Variants in GOLGA5 observed in about 807,000 individuals in gnomAD.
The protein encoded by GOLGA5 is golgin subfamily A member 5.
In GOLGA5, 50 loss-of-function variants were observed where a neutral mutation model predicts 93.5. The observed-to-expected ratio is 0.53, with a 90% CI of 0.43 to 0.68. GOLGA5 has a LOEUF of 0.68. Among genes scored for constraint, GOLGA5 ranks in the 30% least tolerant of loss-of-function variants. The probability of loss-of-function intolerance (pLI) is 0.00; values close to 1 mark genes in which losing one functional copy is unlikely to be tolerated. For synonymous variants in GOLGA5, 312 were observed against 304.5 expected (o/e 1.02, Z -0.26); for missense variants, 760 against 856.4 (o/e 0.89, Z 1.40).
intron 1 of GOLGA5, among the ~76,000 whole-genome samples, chr14:92,796,758 C>CGG (rs1884737878): frequency 7.4e-6 from 1 of 134,974 alleles, no homozygotes; most frequent in African/African-American, 2.9e-5. Flanking sequence ...ATCATGAGGT[C>CGG]AGGAGATCGA....
chr14:92,828,894 C>T (rs887346901), intron 9 of GOLGA5, among the ~76,000 whole-genome samples: 1 of 152,174 alleles, frequency 6.6e-6, no homozygotes, highest in African/African-American at 2.4e-5. Flanking sequence ...GTCTCTAACT[C>T]CTGGCCTCAA....
chr14:92,795,100 G>A (rs1483186928), intron 1 of GOLGA5, among the ~76,000 whole-genome samples: 1 of 150,870 alleles, frequency 6.6e-6, no homozygotes, highest in Non-Finnish European at 1.5e-5. Context: ...AGCGTGTTTT[G>A]ATTTTTTATT....
intron 9 of GOLGA5, among the ~76,000 whole-genome samples, chr14:92,827,569 A>G (rs1339609307): frequency 6.6e-6 from 1 of 152,198 alleles, no homozygotes; most frequent in Non-Finnish European, 1.5e-5. Flanking sequence ...AGGCCAATTA[A>G]TAAACCTACA....
In GOLGA5 at chr14:92,797,458, T is replaced by C. The variant is rs1262257990; in HGVS notation, c.21T>C (p.Leu7=). The C allele has an allele frequency of 1.2e-6, 2 of 1,608,104 alleles. No homozygotes were observed. The highest frequency in any genetic ancestry group is 1.7e-6 in the Non-Finnish European group (2 of 1,177,960). The part of the protein sequence containing the change: MSWFVD[L]AGKAEDLLNR... ...CCATCATGTCTTGGTTTGTTGATCT[T>C]GCTGGAAAGGCAGAAGATCTTTTAA... Residue 7 remains leucine (L), a synonymous_variant, in exon 2 of 13, where the codon CTT becomes CTC. Coordinates refer to ENST00000163416, the MANE Select transcript of GOLGA5 (RefSeq NM_005113.4).
At position 92,794,310 on chromosome 14, in the gene GOLGA5, C is replaced by T. The variant is rs977576442; in HGVS notation, c.-177C>T. 2 of 152,334 alleles carry T rather than the reference C, an allele frequency of 1.3e-5. No homozygotes were observed. The highest frequency in any genetic ancestry group is 2.9e-5 in the Non-Finnish European group (2 of 68,104). The allele number at this position is 152,334 out of a possible 1,614,324, so 9.4% of individuals were successfully genotyped here. A position where few individuals can be genotyped will look rare whatever the true frequency, so the allele number is the denominator to read the frequency against. ...CACTCTGTTGTGGGGTCCTCGCTTCCCTTCCACGTCTCCCGGAAGCGGTAG... is the reference window on the plus strand; with the variant it reads ...CACTCTGTTGTGGGGTCCTCGCTTCTCTTCCACGTCTCCCGGAAGCGGTAG... On this transcript the variant is annotated 5_prime_UTR_variant, in exon 1 of 13. Coordinates refer to ENST00000163416, the MANE Select transcript of GOLGA5 (RefSeq NM_005113.4).
chr14:92,836,996 A>G (rs1466793142), intron 11 of GOLGA5, among the ~76,000 whole-genome samples: 1 of 151,970 alleles, frequency 6.6e-6, no homozygotes, highest in Non-Finnish European at 1.5e-5. Context: ...GCTTGAACCC[A>G]GGAAGCAGAG....
intron 1 of GOLGA5, among the ~76,000 whole-genome samples, chr14:92,794,674 C>A (rs1162261275): frequency 6.6e-6 from 1 of 152,216 alleles, no homozygotes; most frequent in African/African-American, 2.4e-5. Context: ...CTCCTGACCC[C>A]TGCCTGGCCT....
intron 9 of GOLGA5, among the ~76,000 whole-genome samples, chr14:92,829,686 TG>T (rs1279759695): frequency 6.6e-6 from 1 of 152,212 alleles, no homozygotes; most frequent in Non-Finnish European, 1.5e-5. Context: ...TGAACATTGT[TG>T]AAATGACAAC....
intron 1 of GOLGA5, among the ~76,000 whole-genome samples, chr14:92,796,227 C>A (rs1884723183): frequency 6.6e-6 from 1 of 152,214 alleles, no homozygotes; most frequent in African/African-American, 2.4e-5. Flanking sequence ...AAACAAACTT[C>A]AGTGAATTTT....
intron 2 of GOLGA5, among the ~76,000 whole-genome samples, chr14:92,798,706 A>T (rs1371659092): frequency 6.6e-6 from 1 of 152,226 alleles, no homozygotes; most frequent in African/African-American, 2.4e-5. Context: ...ACTCGTGCCC[A>T]GGAGTTTGAG....
intron 3 of GOLGA5, among the ~76,000 whole-genome samples, chr14:92,807,594 A>G (rs1336623396): frequency 6.6e-6 from 1 of 152,230 alleles, no homozygotes; most frequent in Non-Finnish European, 1.5e-5. Flanking sequence ...AAGCTGTTCC[A>G]TTAAACAAAG....
At chr14:92,833,014 G>C in intron 9 of GOLGA5, 108 bp from the exon 10 acceptor site, 1 of 712,798 alleles carries the variant, frequency 1.4e-6, no homozygotes, top group Admixed American at 2.2e-5. Flanking sequence ...ATAGAGTTTT[G>C]AGAAATCAAT....
intron 7 of GOLGA5, among the ~76,000 whole-genome samples, chr14:92,819,302 C>G (rs1222431325): frequency 6.6e-6 from 1 of 152,126 alleles, no homozygotes; most frequent in Non-Finnish European, 1.5e-5. Context: ...GAAACCATGT[C>G]TCATTCACCT....
Position 92,811,610 on chromosome 14 carries a change from A to G in GOLGA5, c.1176A>G (p.Ala392=). 1 of 1,613,392 alleles carries G rather than the reference A, an allele frequency of 6.2e-7. No individual in the cohort carries two copies. Among genetic ancestry groups the G allele is most frequent in the Non-Finnish European group, 8.5e-7 (1 of 1,179,376 alleles). Residue 392 remains alanine (A), a synonymous_variant, in exon 6 of 13, where the codon GCA becomes GCG. Transcript: ENST00000163416. Reference sequence around the variant, plus strand: ...TGGAACGTCAGAATTTAGCAGAAGCAATTACACTGGCCGAAAGAAAATACT... The same window carrying G: ...TGGAACGTCAGAATTTAGCAGAAGCGATTACACTGGCCGAAAGAAAATACT... ...VEMERQNLAE[A]ITLAERKYSD... is the part of the protein sequence containing the mutation.
intron 1 of GOLGA5, among the ~76,000 whole-genome samples, 178 bp downstream of exon 1, chr14:92,794,634 G>A (rs772927348): frequency 4.6e-5 from 7 of 152,238 alleles, no homozygotes; most frequent in Non-Finnish European, 7.3e-5. Flanking sequence ...TTCAGCCGAC[G>A]TCGTTTACTG....
chr14:92,804,107 C>T (rs1055159706), intron 2 of GOLGA5, among the ~76,000 whole-genome samples: 1 of 152,142 alleles, frequency 6.6e-6, no homozygotes, highest in East Asian at 1.9e-4. Flanking sequence ...TTCTTCCTTC[C>T]TGCCTTTCAT....
chr14:92,834,502 A>G (rs1016157802), intron 10 of GOLGA5, among the ~76,000 whole-genome samples: 2 of 152,222 alleles, frequency 1.3e-5, no homozygotes, highest in African/African-American at 4.8e-5. Flanking sequence ...GATAGTGAAC[A>G]ATGAGGAGGC....
Position 92,834,945 on chromosome 14 carries a change from G to C in GOLGA5, c.1946-614G>C, listed in dbSNP as rs1455774276. ...GGTGGACTGAGAATTTATTTTAAAG[G>C]TAAGCTGACAGAATATGTTGGCAGA... On this transcript the variant is annotated intron_variant, in intron 10 of 12. Transcript: ENST00000163416. Among the ~76,000 whole-genome samples the C allele has an allele frequency of 3.9e-5, 6 of 152,214 alleles. No individual in the cohort carries two copies. The East Asian group carries it at 1.2e-3, about 29-fold the overall frequency.
intron 9 of GOLGA5, among the ~76,000 whole-genome samples, chr14:92,832,608 T>C (rs1322344383): frequency 6.6e-6 from 1 of 152,206 alleles, no homozygotes; most frequent in Admixed American, 6.5e-5. Context: ...AGTATAGCAA[T>C]TAACCTGAAG....
Sources: allele counts gnomAD v4.1 joint callset (sites outside exome capture counted in the v4.1 genomes callset), GRCh38; gene constraint gnomAD v4.1.1; transcripts MANE v1.5; gene names NCBI Gene and HGNC (gene_info 2026-07-23, HGNC 2026-07-21).